The following EVA1C variants were observed in gnomAD, a reference collection of about 807,000 sequenced individuals.
The protein encoded by EVA1C is protein eva-1 homolog C.
EVA1C carries 25 observed loss-of-function variants against 45.4 expected under a neutral mutation model. The observed-to-expected ratio is 0.55, with a 90% confidence interval of 0.40 to 0.77. The LOEUF (loss-of-function observed/expected upper bound fraction) is 0.77. Among genes scored for constraint, EVA1C ranks in the 30% least tolerant of loss-of-function variants. EVA1C has a pLI of 0.00. For missense variants in EVA1C, 479 were observed against 554.8 expected (o/e 0.86, Z 1.37); for synonymous variants, 190 against 221.2 (o/e 0.86, Z 1.25).
At chr21:32,414,147 T>C (rs1253286305) in intron 1 of EVA1C, among the ~76,000 whole-genome samples, 6 of 152,202 alleles carry the variant, frequency 3.9e-5, no homozygotes, top group Non-Finnish European at 1.5e-5. Flanking sequence ...TTGCTTTGAA[T>C]ATGTAATATC....
intron 4 of EVA1C, among the ~76,000 whole-genome samples, chr21:32,470,718 C>T (rs1396448659): frequency 6.6e-6 from 1 of 152,064 alleles, no homozygotes; most frequent in Non-Finnish European, 1.5e-5. Flanking sequence ...CCTTTCTCCC[C>T]ACAGTGGCCT....
intron 5 of EVA1C, chr21:32,496,812 G>T: frequency 1.2e-6 from 1 of 800,680 alleles, no homozygotes. Context: ...TGGGAACGGA[G>T]TATATTCTAG....
At chr21:32,487,639 G>T (rs1002001243) in intron 4 of EVA1C, among the ~76,000 whole-genome samples, 1 of 151,538 alleles carries the variant, frequency 6.6e-6, no homozygotes, top group Middle Eastern at 3.4e-3. Flanking sequence ...AGAATTGCTC[G>T]AATCCAGGAG....
chr21:32,466,506 A>C (rs1206974242), intron 3 of EVA1C, among the ~76,000 whole-genome samples: 1 of 151,978 alleles, frequency 6.6e-6, no homozygotes, highest in East Asian at 1.9e-4. Flanking sequence ...AAAAAAATAA[A>C]CTGTGTTTTC....
intron 4 of EVA1C, among the ~76,000 whole-genome samples, chr21:32,489,815 C>T (rs73192575): frequency 0.12 from 17,996 of 147,870 alleles, 1,498 homozygotes; most frequent in East Asian, 0.27. Flanking sequence ...GATCTTTCAC[C>T]TCTTTGGTTA....
intron 1 of EVA1C, among the ~76,000 whole-genome samples, chr21:32,439,545 G>A (rs2035096132): frequency 1.3e-5 from 2 of 152,168 alleles, no homozygotes; most frequent in South Asian, 2.1e-4. Context: ...CTCATTCTAA[G>A]GTGAAACCAA....
chr21:32,492,836 G>A (rs890837883), intron 4 of EVA1C, among the ~76,000 whole-genome samples: 3 of 151,710 alleles, frequency 2.0e-5, no homozygotes, highest in Non-Finnish European at 2.9e-5. Flanking sequence ...ATCCTTGGTC[G>A]GTCCCTCACC....
intron 1 of EVA1C, among the ~76,000 whole-genome samples, chr21:32,436,868 C>A (rs1038372090): frequency 2.6e-5 from 4 of 152,130 alleles, no homozygotes; most frequent in African/African-American, 4.8e-5. Flanking sequence ...ACTGATAAAA[C>A]ATAGATTCAG....
chr21:32,491,562 G>A (rs926311614), intron 4 of EVA1C, among the ~76,000 whole-genome samples: 16 of 151,646 alleles, frequency 1.1e-4, no homozygotes, highest in African/African-American at 2.7e-4. Flanking sequence ...GGTGGCAGGC[G>A]CCTGTAAGCT....
rs559234260 is a variant in EVA1C at position 32,457,600 on chromosome 21, G to T, written c.361G>T (p.Val121Leu). The change falls in exon 3 of 8, where the codon GTG becomes TTG. Residue 121 changes from valine to leucine, a missense_variant. By Grantham distance (32) the Val-to-Leu change is conservative. Transcript: ENST00000300255. The stretch of plus-strand genomic sequence containing the variant: ...CTTTTCTACCCTCTCCTTCTAGAAG[G>T]TGCTGGACGAATGCCAGAACCAGCG... ...TCVAATTFQK[V>L]LDECQNQRAC... 1.2e-6 allele frequency: 2 copies of T among 1,614,170 alleles called. No homozygotes were observed. The highest frequency in any genetic ancestry group is 1.7e-5 in the Admixed American group (1 of 60,022).
At chr21:32,425,258 C>T (rs1408776638) in intron 1 of EVA1C, among the ~76,000 whole-genome samples, 3 of 145,024 alleles carry the variant, frequency 2.1e-5, no homozygotes, top group Non-Finnish European at 4.5e-5. Context: ...TCGCTTGAAC[C>T]CAGGAGGCGG....
chr21:32,502,296 A>C (rs1450628767), intron 6 of EVA1C, among the ~76,000 whole-genome samples: 1 of 151,812 alleles, frequency 6.6e-6, no homozygotes, highest in Non-Finnish European at 1.5e-5. Flanking sequence ...ACGGGGTTTC[A>C]CCATGTTAGT....
At chr21:32,422,257 G>A (rs371087817) in intron 1 of EVA1C, among the ~76,000 whole-genome samples, 1 of 152,044 alleles carries the variant, frequency 6.6e-6, no homozygotes, top group East Asian at 1.9e-4. Context: ...GAAACAGTGA[G>A]GTGGAAAAAA....
intron 3 of EVA1C, among the ~76,000 whole-genome samples, chr21:32,465,638 C>T (rs1182265970): frequency 6.6e-6 from 1 of 152,082 alleles, no homozygotes; most frequent in African/African-American, 2.4e-5. Context: ...GCTGGGATTA[C>T]AGGCACCCAA....
intron 4 of EVA1C, among the ~76,000 whole-genome samples, chr21:32,488,829 G>A (rs375846389): frequency 1.1e-4 from 17 of 150,572 alleles, no homozygotes; most frequent in East Asian, 2.0e-4. Flanking sequence ...CAGGTGATCC[G>A]CCCACCTTGG....
At chr21:32,482,855 T>C (rs1332400533) in intron 4 of EVA1C, among the ~76,000 whole-genome samples, 2 of 2,794 alleles carry the variant, frequency 7.2e-4, no homozygotes, top group South Asian at 9.1e-3. Context: ...TGTTATTCCC[T>C]TTTTTTTTTT....
At chr21:32,425,914 T>C (rs1394061672) in intron 1 of EVA1C, among the ~76,000 whole-genome samples, 1 of 152,090 alleles carries the variant, frequency 6.6e-6, no homozygotes, top group Non-Finnish European at 1.5e-5. Context: ...CCAGCAGATT[T>C]GTCCTTGTTT....
intron 7 of EVA1C, among the ~76,000 whole-genome samples, chr21:32,514,392 T>G (rs2038069426): frequency 6.6e-6 from 1 of 152,208 alleles, no homozygotes; most frequent in African/African-American, 2.4e-5. Context: ...TCAGGGAATA[T>G]TCTAAGAGCT....
At chr21:32,494,344 G>A (rs1338137409) in intron 4 of EVA1C, among the ~76,000 whole-genome samples, 1 of 152,208 alleles carries the variant, frequency 6.6e-6, no homozygotes, top group Admixed American at 6.5e-5. Context: ...TGTTCATGTA[G>A]AGGAGATTGA....
Sources: gnomAD v4.1 joint callset for allele counts (sites outside exome capture counted in the v4.1 genomes callset) on GRCh38, gnomAD v4.1.1 for gene constraint, MANE v1.5 for transcripts, NCBI Gene and HGNC (gene_info 2026-07-23, HGNC 2026-07-21) for gene names.